EPC2: variants seen among roughly 807,000 people sequenced by gnomAD.
EPC2 encodes enhancer of polycomb homolog 2.
Under a neutral mutation model 92.1 loss-of-function variants are expected in EPC2, and 14 were observed. The observed-to-expected ratio is 0.15, with a 90% CI of 0.10 to 0.24. The LOEUF is 0.24. Ranked by LOEUF, EPC2 falls within the 10% of genes least tolerant of loss-of-function variation. The pLI is 1.00. For synonymous variants in EPC2, 340 were observed against 334.7 expected, an observed-to-expected ratio of 1.02 and a Z score of -0.17; for missense variants, 755 against 971.5, an observed-to-expected ratio of 0.78 and a Z score of 2.96.
At chr2:148,722,409 C>T (rs1682396492) in intron 2 of EPC2, among the ~76,000 whole-genome samples, 1 of 152,074 alleles carries the variant, frequency 6.6e-6, no homozygotes, top group Admixed American at 6.6e-5. Context: ...ATTCACACAG[C>T]TAACAAGCAT....
rs375191684 is a variant in EPC2, at chr2:148,734,367, CTTT to C, written c.314-9247_314-9245del. Among the ~76,000 whole-genome samples, 1,077 of 148,268 alleles carry C rather than the reference CTTT, an allele frequency of 7.3e-3. 5 individuals are homozygous for C. The highest frequency in any genetic ancestry group is 0.025 in the African/African-American group (1,012 of 40,642). On this transcript the variant is annotated intron_variant, in intron 2 of 13. Coordinates refer to ENST00000258484, the MANE Select transcript of EPC2 (RefSeq NM_015630.4). ...ACCTTCAGAGAGGCAGAAATAAGTA[CTTT>C]TTTTTTTGCAATACACTTTTATGAT...
intron 8 of EPC2, among the ~76,000 whole-genome samples, chr2:148,769,610 T>G (rs530880323): frequency 6.6e-6 from 1 of 152,196 alleles, no homozygotes; most frequent in Non-Finnish European, 1.5e-5. Flanking sequence ...TTTATTGTTA[T>G]GCAAGCCCAT....
At chr2:148,782,958 C>T (rs1054125706) in intron 11 of EPC2, among the ~76,000 whole-genome samples, 1 of 152,100 alleles carries the variant, frequency 6.6e-6, no homozygotes, top group Non-Finnish European at 1.5e-5. Flanking sequence ...TGTAGTTCAG[C>T]CCATTCTCAA....
intron 2 of EPC2, among the ~76,000 whole-genome samples, chr2:148,732,444 G>A (rs912838828): frequency 2.7e-5 from 4 of 148,260 alleles, no homozygotes; most frequent in South Asian, 2.2e-4. Context: ...GCAGTGGCAC[G>A]ATCTCGGCTC....
intron 2 of EPC2, among the ~76,000 whole-genome samples, chr2:148,694,256 A>C (rs1031025876): frequency 1.3e-5 from 2 of 152,228 alleles, no homozygotes; most frequent in African/African-American, 2.4e-5. Flanking sequence ...CTGTTAATTT[A>C]GCCCAAAAAG....
chr2:148,650,599 A>G (rs970828423), intron 1 of EPC2, among the ~76,000 whole-genome samples: 2 of 152,224 alleles, frequency 1.3e-5, no homozygotes, highest in Non-Finnish European at 2.9e-5. Context: ...TTGAATTGCC[A>G]TATCTCCTCT....
intron 2 of EPC2, among the ~76,000 whole-genome samples, chr2:148,729,775 A>G (rs4972294): frequency 0.15 from 22,857 of 152,174 alleles, 2,529 homozygotes; most frequent in East Asian, 0.46. Flanking sequence ...TATCCCCTAG[A>G]TGCTGTCATT....
At position 148,644,809 on chromosome 2, in the gene EPC2, A is replaced by T. The variant is rs991944853; in HGVS notation, c.-209A>T. On this transcript the variant is annotated 5_prime_UTR_variant, in exon 1 of 14. Transcript: ENST00000258484. ...AGCGGATCGGGCGGGCGAGCGGCGG[A>T]TCTAGTGTGTGGAGGCGGCCGCGGG... Among the ~76,000 whole-genome samples the T allele has an allele frequency of 8.0e-6, 1 of 125,410 alleles. No homozygotes were observed. The highest frequency in any genetic ancestry group is 8.2e-5 in the Admixed American group (1 of 12,142). 82.3% of individuals were successfully genotyped at this position (125,410 alleles called of 152,430 possible).
At chr2:148,763,767 A>C (rs1683350469) in intron 6 of EPC2, among the ~76,000 whole-genome samples, 1 of 152,230 alleles carries the variant, frequency 6.6e-6, no homozygotes, top group South Asian at 2.1e-4. Flanking sequence ...TTATCAGTGC[A>C]AATGTCATTT....
chr2:148,711,442 G>C (rs1682141474), intron 2 of EPC2, among the ~76,000 whole-genome samples: 1 of 151,892 alleles, frequency 6.6e-6, no homozygotes, highest in Non-Finnish European at 1.5e-5. Context: ...TGTGATCTTA[G>C]GACACACTTT....
chr2:148,767,306 C>T (rs1683429241), intron 7 of EPC2, among the ~76,000 whole-genome samples: 2 of 151,970 alleles, frequency 1.3e-5, no homozygotes, highest in Non-Finnish European at 2.9e-5. Context: ...CTCAGCATAA[C>T]TACTCATATG....
chr2:148,658,825 A>G (rs955447853), intron 1 of EPC2, among the ~76,000 whole-genome samples: 4 of 151,336 alleles, frequency 2.6e-5, no homozygotes, highest in East Asian at 1.9e-4. Context: ...CTATATATGT[A>G]TGTTATATAG....
intron 3 of EPC2, among the ~76,000 whole-genome samples, chr2:148,750,897 G>T (rs990080849): frequency 6.6e-6 from 1 of 152,102 alleles, no homozygotes; most frequent in Non-Finnish European, 1.5e-5. Flanking sequence ...TAGCAAAGAG[G>T]TGTTCACTTA....
At chr2:148,675,484 C>T (rs1385434128) in intron 1 of EPC2, among the ~76,000 whole-genome samples, 2 of 152,100 alleles carry the variant, frequency 1.3e-5, no homozygotes, top group East Asian at 3.9e-4. Flanking sequence ...ACATTTTCTT[C>T]TGTTCATTTT....
intron 1 of EPC2, among the ~76,000 whole-genome samples, chr2:148,648,319 A>G (rs1683848381): frequency 6.6e-6 from 1 of 152,242 alleles, no homozygotes; most frequent in African/African-American, 2.4e-5. Flanking sequence ...CTGGTCTTAC[A>G]GGACTTCTGT....
intron 10 of EPC2, among the ~76,000 whole-genome samples, chr2:148,772,632 C>A (rs372295429): frequency 6.6e-6 from 1 of 152,102 alleles, no homozygotes; most frequent in Non-Finnish European, 1.5e-5. Context: ...TATCATTTAT[C>A]CAAATTGGTT....
chr2:148,645,757 G>T (rs1683785513), intron 1 of EPC2, among the ~76,000 whole-genome samples: 1 of 152,026 alleles, frequency 6.6e-6, no homozygotes, highest in Non-Finnish European at 1.5e-5. Flanking sequence ...GCGGGTCGTA[G>T]CGTCCGAGGG....
intron 7 of EPC2, among the ~76,000 whole-genome samples, chr2:148,766,508 C>T (rs528951180): frequency 6.6e-6 from 1 of 152,272 alleles, no homozygotes; most frequent in Admixed American, 6.5e-5. Flanking sequence ...TAGTTTGACT[C>T]AGGCAGAGCT....
Position 148,783,656 on chromosome 2 carries a change from T to G in EPC2, c.1917T>G (p.Ala639=). Reference sequence around the variant, plus strand: ...TTGACTCAGCCAGCGCCCACTTTGCTGCATCTGCAGTGGTCAGTGCACCTG... The same window carrying G: ...TTGACTCAGCCAGCGCCCACTTTGCGGCATCTGCAGTGGTCAGTGCACCTG... The part of the protein sequence containing the change: ...KTLDSASAHF[A]ASAVVSAPVP... Residue 639 remains alanine, a synonymous_variant, in exon 12 of 14, where the codon GCT becomes GCG. Transcript: ENST00000258484. 1 of 1,605,292 alleles carries G rather than the reference T, an allele frequency of 6.2e-7. No homozygotes were observed. Among genetic ancestry groups the G allele is most frequent in the South Asian group, 1.1e-5 (1 of 89,204 alleles).
Sources: gnomAD v4.1 joint callset for allele counts (sites outside exome capture counted in the v4.1 genomes callset) on GRCh38, gnomAD v4.1.1 for gene constraint, MANE v1.5 for transcripts, NCBI Gene and HGNC (gene_info 2026-07-23, HGNC 2026-07-21) for gene names.